Variants in CTSL observed in about 807,000 individuals in gnomAD.
The protein encoded by CTSL is procathepsin L.
Under a neutral mutation model 34.7 loss-of-function variants are expected in CTSL, and 23 were observed. That is an observed-to-expected ratio of 0.66 (90% CI 0.48 to 0.94). The LOEUF is 0.94. CTSL is among the 40% of genes least tolerant of loss of function. The pLI is 0.00. For missense variants in CTSL, 361 were observed against 406.3 expected, an observed-to-expected ratio of 0.89 and a Z score of 0.96; for synonymous variants, 129 against 136.7, an observed-to-expected ratio of 0.94 and a Z score of 0.39.
rs1404331368 is a variant in CTSL at position 87,728,315 on chromosome 9, G to A, written c.315G>A (p.Val105=). 1 of 1,614,086 alleles carries A rather than the reference G, an allele frequency of 6.2e-7. No homozygotes were observed. Residue 105 remains valine (V), a synonymous_variant, in exon 4 of 8, where the codon GTG becomes GTA. Coordinates refer to ENST00000343150, the MANE Select transcript of CTSL (RefSeq NM_001912.5). ...FQNRKPRKGK[V]FQEPLFYEAP... The stretch of plus-strand genomic sequence containing the variant: ...ACCGTAAGCCCAGGAAGGGGAAAGT[G>A]TTCCAGGAACCTCTGTTTTATGAGG...
At chr9:87,730,325 T>C (rs901263760) in intron 6 of CTSL, 56 bp from the exon 7 acceptor site, 19 of 1,156,228 alleles carry the variant, frequency 1.6e-5, no homozygotes, top group South Asian at 2.9e-5. Context: ...ACAGGATGGG[T>C]TACTGTCATG....
chr9:87,731,173 C>A lies in CTSL; in HGVS notation c.*66C>A. On this transcript the variant is annotated 3_prime_UTR_variant, in exon 8 of 8. Coordinates refer to ENST00000343150, the MANE Select transcript of CTSL (RefSeq NM_001912.5). ...CGCATGCATGGGAGGAATTCATCTT[C>A]AGTCTACCAGCCCCCGCTGTGTCGG... The A allele has an allele frequency of 8.4e-7, 1 of 1,192,918 alleles. No homozygotes were observed. The highest frequency in any genetic ancestry group is 1.2e-6 in the Non-Finnish European group (1 of 809,766). 73.9% of individuals were successfully genotyped at this position (1,192,918 alleles called of 1,614,324 possible).
chr9:87,729,095 TTGCTTGAGTGTGGGAGGTGGTTGTGCAAA>T, intron 5 of CTSL: 1 of 714,904 alleles, frequency 1.4e-6, no homozygotes, highest in Non-Finnish European at 2.1e-6. Flanking sequence ...GGTAGGGCGA[TTGCTTGAGTGTGGGAGGTGGTTGTGCAAA>T]TGCACTCTCC....
Position 87,727,648 on chromosome 9 carries a change from C to G in CTSL, c.45C>G (p.Ala15=), listed in dbSNP as rs1337667987. 1 of 1,614,038 alleles carries G rather than the reference C, an allele frequency of 6.2e-7. No homozygotes were observed. Among genetic ancestry groups the G allele is most frequent in the Admixed American group, 1.7e-5 (1 of 60,000 alleles). Residue 15 remains alanine, a synonymous_variant, in exon 2 of 8, where the codon GCC becomes GCG. Coordinates refer to ENST00000343150, the MANE Select transcript of CTSL (RefSeq NM_001912.5). Reference sequence around the variant, plus strand: ...TTGCTGCCTTTTGCCTGGGAATTGCCTCAGCTACTCTAACATTTGATCACA... The same window carrying G: ...TTGCTGCCTTTTGCCTGGGAATTGCGTCAGCTACTCTAACATTTGATCACA... The part of the protein sequence containing the change: ...LILAAFCLGI[A]SATLTFDHSL...
chr9:87,729,139 T>A lies in CTSL; in HGVS notation c.621+330T>A, dbSNP rs577172075. 9 of 523,134 alleles carry A rather than the reference T, an allele frequency of 1.7e-5. No individual in the cohort carries two copies. The South Asian group carries it at 2.7e-4, about 16-fold the overall frequency. 32.4% of individuals were successfully genotyped at this position (523,134 alleles called of 1,614,324 possible). ...GGTTGTGCAAATGCACTCTCCAGTC[T>A]GAGTGACAGAATGAGACCCTGTCTC... On this transcript the variant is annotated intron_variant, in intron 5 of 7. Transcript: ENST00000343150.
chr9:87,726,862 G>A (rs553075095), intron 1 of CTSL, among the ~76,000 whole-genome samples: 4 of 152,140 alleles, frequency 2.6e-5, no homozygotes, highest in Admixed American at 6.5e-5. Context: ...GGCCAACATG[G>A]TGAAACCCCG....
At chr9:87,729,790 C>T (rs769273765) in intron 6 of CTSL, 55 bp downstream of exon 6, 29 of 1,518,848 alleles carry the variant, frequency 1.9e-5, no homozygotes, top group African/African-American at 5.5e-5. Flanking sequence ...TCATGACATA[C>T]GAGCATGATA....
chr9:87,729,500 G>A, intron 5 of CTSL, 73 bp from the exon 6 acceptor site: 1 of 1,340,040 alleles, frequency 7.5e-7, no homozygotes, highest in African/African-American at 1.5e-5. Flanking sequence ...GCTGAGTGTT[G>A]TGGTTCTAAC....
In CTSL at chr9:87,728,615, G is replaced by A. The variant is rs746325590; in HGVS notation, c.427G>A (p.Ala143Thr). The change falls in exon 5 of 8, where the codon GCT (alanine) becomes ACT (threonine). Residue 143 changes from alanine to threonine, a missense_variant. Coordinates refer to ENST00000343150, the MANE Select transcript of CTSL (RefSeq NM_001912.5). ...GQCGSCWAFS[A>T]TGALEGQMFR... is the part of the protein sequence containing the mutation. ...GTGTGGTTCTTGTTGGGCTTTTAGT[G>A]CTACTGGTGCTCTTGAAGGACAGAT... is the stretch of plus-strand genomic sequence containing the variant. The A allele has an allele frequency of 5.0e-6, 8 of 1,613,854 alleles. No individual in the cohort carries two copies. The South Asian group carries it at 8.8e-5, about 18-fold the overall frequency.
In CTSL at chr9:87,731,184, C is replaced by A; in HGVS notation, c.*77C>A. The A allele has an allele frequency of 2.8e-6, 3 of 1,081,608 alleles. No homozygotes were observed. Among genetic ancestry groups the A allele is most frequent in the Non-Finnish European group, 2.8e-6 (2 of 718,614 alleles). 67.0% of individuals were successfully genotyped at this position (1,081,608 alleles called of 1,614,324 possible). A position where few individuals can be genotyped will look rare whatever the true frequency, so the allele number is the denominator to read the frequency against. On this transcript the variant is annotated 3_prime_UTR_variant, in exon 8 of 8. Coordinates refer to ENST00000343150, the MANE Select transcript of CTSL (RefSeq NM_001912.5). ...GAGGAATTCATCTTCAGTCTACCAG[C>A]CCCCGCTGTGTCGGATACACACTCG... is the stretch of plus-strand genomic sequence containing the variant.
At chr9:87,726,758 G>A (rs1018495454) in intron 1 of CTSL, among the ~76,000 whole-genome samples, 3 of 152,144 alleles carry the variant, frequency 2.0e-5, no homozygotes, top group Admixed American at 2.0e-4. Flanking sequence ...TTAAGGAGAG[G>A]TTGGGGCGGC....
chr9:87,731,213 C>A lies in CTSL; in HGVS notation c.*106C>A. ...CGCTGTGTCGGATACACACTCGAAT[C>A]ATTGAAGATCCGAGTGTGATTTGAA... On this transcript the variant is annotated 3_prime_UTR_variant, in exon 8 of 8. Transcript: ENST00000343150. The A allele has an allele frequency of 1.5e-6, 1 of 685,448 alleles. No homozygotes were observed. Among genetic ancestry groups the A allele is most frequent in the South Asian group, 2.2e-5 (1 of 44,716 alleles). The allele number at this position is 685,448 out of a possible 1,614,324, so 42.5% of individuals were successfully genotyped here. A position where few individuals can be genotyped will look rare whatever the true frequency, so the allele number is the denominator to read the frequency against.
rs539751376 is a variant in CTSL at position 87,730,616 on chromosome 9, A to T, written c.902+118A>T. The T allele has an allele frequency of 2.9e-5, 19 of 663,116 alleles. No individual in the cohort carries two copies. In the East Asian group the frequency reaches 5.2e-4, roughly 18 times the overall value. The allele number at this position is 663,116 out of a possible 1,614,324, so 41.1% of individuals were successfully genotyped here. Reference sequence around the variant, plus strand: ...ATACTTCTGAAATCCCCAGAAGTCTAAGTTGAACATATAATATTAATGTTT... The same window carrying T: ...ATACTTCTGAAATCCCCAGAAGTCTTAGTTGAACATATAATATTAATGTTT... On this transcript the variant is annotated intron_variant, in intron 7 of 7. Coordinates refer to ENST00000343150, the MANE Select transcript of CTSL (RefSeq NM_001912.5).
At position 87,730,129 on chromosome 9, in the gene CTSL, A is replaced by G. The variant is rs867776056; in HGVS notation, c.785-252A>G. ...GATTGATATCCTAGAGTAGAATTAC[A>G]AGCTTACAAAGAGGGGTCTTTTTTT... On this transcript the variant is annotated intron_variant, in intron 6 of 7. Coordinates refer to ENST00000343150, the MANE Select transcript of CTSL (RefSeq NM_001912.5). Among the ~76,000 whole-genome samples, 3 of 152,208 alleles carry G rather than the reference A, an allele frequency of 2.0e-5. No homozygotes were observed. The South Asian group carries it at 6.2e-4, about 32-fold the overall frequency.
chr9:87,729,777 G>A, intron 6 of CTSL, 42 bp downstream of exon 6: 3 of 1,570,196 alleles, frequency 1.9e-6, no homozygotes, highest in Non-Finnish European at 2.6e-6. Flanking sequence ...CAGAAAAAGA[G>A]TATCATGACA....
intron 1 of CTSL, among the ~76,000 whole-genome samples, chr9:87,726,971 A>C (rs575895924): frequency 6.6e-6 from 1 of 152,208 alleles, no homozygotes; most frequent in Non-Finnish European, 1.5e-5. Flanking sequence ...CCCGGGAGGC[A>C]GAGGTTGCTG....
intron 1 of CTSL, among the ~76,000 whole-genome samples, chr9:87,727,048 A>ATAAG (rs922137276): frequency 2.1e-5 from 2 of 97,426 alleles, no homozygotes; most frequent in Non-Finnish European, 4.1e-5. Context: ...CAAAAAATAA[A>ATAAG]TAAATAAATA....
At position 87,731,243 on chromosome 9, in the gene CTSL, G is replaced by T; in HGVS notation, c.*136G>T. The T allele has an allele frequency of 1.8e-6, 1 of 562,124 alleles. No homozygotes were observed. Among genetic ancestry groups the T allele is most frequent in the Non-Finnish European group, 3.1e-6 (1 of 318,400 alleles). 34.8% of individuals were successfully genotyped at this position (562,124 alleles called of 1,614,324 possible). A position where few individuals can be genotyped will look rare whatever the true frequency, so the allele number is the denominator to read the frequency against. On this transcript the variant is annotated 3_prime_UTR_variant, in exon 8 of 8. Coordinates refer to ENST00000343150, the MANE Select transcript of CTSL (RefSeq NM_001912.5). ...AAGATCCGAGTGTGATTTGAATTCT[G>T]TGATATTTTCACACTGGTAAATGTT...
At chr9:87,728,535 CTTA>C (rs1371079171) in intron 4 of CTSL, 47 bp from the exon 5 acceptor site, 12 of 1,585,622 alleles carry the variant, frequency 7.6e-6, no homozygotes, top group East Asian at 2.2e-5. Context: ...TTGTCAAAGT[CTTA>C]TTATTTTTTT....
Sources: gnomAD v4.1 joint callset for allele counts (sites outside exome capture counted in the v4.1 genomes callset) on GRCh38, gnomAD v4.1.1 for gene constraint, MANE v1.5 for transcripts, NCBI Gene and HGNC (gene_info 2026-07-23, HGNC 2026-07-21) for gene names.